The following SLC36A1 variants were observed in gnomAD, a reference collection of about 807,000 sequenced individuals.
SLC36A1 encodes the protein proton-coupled amino acid transporter 1.
In SLC36A1, 30 loss-of-function variants were observed where a neutral mutation model predicts 47.5. The observed-to-expected ratio is 0.63, with a 90% CI of 0.47 to 0.86. SLC36A1 has a LOEUF of 0.86. Among genes scored for constraint, SLC36A1 ranks in the 40% least tolerant of loss-of-function variants. The pLI is 0.00. For missense variants in SLC36A1, 517 were observed against 606.0 expected, an observed-to-expected ratio of 0.85 and a Z score of 1.54; for synonymous variants, 255 against 249.7, an observed-to-expected ratio of 1.02 and a Z score of -0.20.
chr5:151,528,168 C>T, the SLC36A1 span: 4 of 1,608,316 alleles, frequency 2.5e-6, no homozygotes, highest in Non-Finnish European at 3.4e-6. Context: ...AATGGAGGGA[C>T]AGGAATCTTG....
the SLC36A1 span, among the ~76,000 whole-genome samples, chr5:151,411,125 A>G: frequency 6.9e-6 from 1 of 145,062 alleles, no homozygotes; most frequent in Admixed American, 6.8e-5. Flanking sequence ...CCAGGGTCAC[A>G]GAGCTTATAA....
At chr5:151,461,487 CT>C (rs1182922610) in intron 2 of SLC36A1, among the ~76,000 whole-genome samples, 1 of 152,130 alleles carries the variant, frequency 6.6e-6, no homozygotes, top group Admixed American at 6.5e-5. Context: ...CTGAAACTGG[CT>C]CTCTAAAGGT....
chr5:151,519,986 T>C, the SLC36A1 span, among the ~76,000 whole-genome samples: 1 of 152,220 alleles, frequency 6.6e-6, no homozygotes, highest in Admixed American at 6.5e-5. Flanking sequence ...ACCCCTGCTG[T>C]CTGATGCCAG....
chr5:151,548,727 C>T, the SLC36A1 span, among the ~76,000 whole-genome samples: 4 of 152,138 alleles, frequency 2.6e-5, no homozygotes, highest in African/African-American at 7.2e-5. Context: ...GTGATCCGCC[C>T]GCCTCGGCCT....
Position 151,465,159 on chromosome 5 carries a change from C to T in SLC36A1, c.409C>T (p.His137Tyr). ...SPCSWLRNHAHWGRRVVDFFL... is the reference protein window; with the variant it reads ...SPCSWLRNHAYWGRRVVDFFL... Reference sequence around the variant, plus strand: ...CTGCTCCTGGCTCCGGAACCACGCACACTGGGGAAGGTAACTGATTTCCTC... The same window carrying T: ...CTGCTCCTGGCTCCGGAACCACGCATACTGGGGAAGGTAACTGATTTCCTC... The change falls in exon 5 of 11, where the codon CAC becomes TAC. Residue 137 changes from histidine (H) to tyrosine (Y), a missense_variant. Coordinates refer to ENST00000243389, the MANE Select transcript of SLC36A1 (RefSeq NM_078483.4). 2 of 1,613,692 alleles carry T rather than the reference C, an allele frequency of 1.2e-6. No homozygotes were observed. Among genetic ancestry groups the T allele is most frequent in the Non-Finnish European group, 1.7e-6 (2 of 1,179,568 alleles).
the SLC36A1 span, chr5:151,531,686 G>T: frequency 6.2e-7 from 1 of 1,613,844 alleles, no homozygotes; most frequent in Non-Finnish European, 8.5e-7. This position sits in a 1 kb window ranked among gnomAD's most constrained non-coding sequence, Gnocchi z 5.7. Flanking sequence ...GCCAGCTGCA[G>T]CACCTCCGTG....
chr5:151,365,833 G>A, the SLC36A1 span, among the ~76,000 whole-genome samples: 13 of 152,276 alleles, frequency 8.5e-5, no homozygotes, highest in East Asian at 7.7e-4. Flanking sequence ...GTGGCATAAC[G>A]TATGGGATGC....
In SLC36A1 at chr5:151,492,264, G is replaced by C. The variant is rs1242441131; in HGVS notation, c.*4010G>C. ...CTGTGTGGATGTGCACTTCCAGCAT[G>C]GTATGTGTAGCGATGTGGATCATGC... On this transcript the variant is annotated 3_prime_UTR_variant, in exon 11 of 11. Coordinates refer to ENST00000243389, the MANE Select transcript of SLC36A1 (RefSeq NM_078483.4). 6.6e-6 allele frequency: 1 copy of C among 152,204 alleles called. No individual in the cohort carries two copies. The highest frequency in any genetic ancestry group is 1.5e-5 in the Non-Finnish European group (1 of 68,038). 9.4% of individuals were successfully genotyped at this position (152,204 alleles called of 1,614,324 possible). A position where few individuals can be genotyped will look rare whatever the true frequency, so the allele number is the denominator to read the frequency against.
chr5:151,381,213 C>T, the SLC36A1 span: 1 of 359,862 alleles, frequency 2.8e-6, no homozygotes, highest in South Asian at 2.8e-5. Flanking sequence ...CTATATGCCT[C>T]CTCCTCAGGA....
chr5:151,543,113 T>TC, the SLC36A1 span: 1 of 1,614,130 alleles, frequency 6.2e-7, no homozygotes, highest in Non-Finnish European at 8.5e-7. Context: ...ACCAGAGAGT[T>TC]CCAGTGAGGA....
the SLC36A1 span, among the ~76,000 whole-genome samples, chr5:151,548,773 A>C: frequency 6.6e-6 from 1 of 152,178 alleles, no homozygotes; most frequent in African/African-American, 2.4e-5. Context: ...GAGCCACCGC[A>C]TCTGGCCAAC....
the SLC36A1 span, among the ~76,000 whole-genome samples, chr5:151,394,420 G>A: frequency 5.8e-3 from 880 of 152,300 alleles, 14 homozygotes; most frequent in Admixed American, 0.025. Context: ...GTCATTCTCC[G>A]TCCAGCTTTG....
chr5:151,380,995 G>A, the SLC36A1 span: 2 of 385,040 alleles, frequency 5.2e-6, no homozygotes, highest in South Asian at 4.4e-5. Context: ...ATAACAGAGG[G>A]GCCAGGCTGA....
downstream of SLC36A1, among the ~76,000 whole-genome samples, chr5:151,497,141 A>C (rs1760368201): frequency 6.6e-6 from 1 of 152,072 alleles, no homozygotes; most frequent in South Asian, 2.1e-4. Context: ...GCAATGGTTC[A>C]AATTTCCAGT....
chr5:151,505,912 T>C, the SLC36A1 span: 2 of 1,590,294 alleles, frequency 1.3e-6, no homozygotes, highest in Admixed American at 3.7e-5. Context: ...GGTGCCCGCT[T>C]GTTTTCCATC....
the SLC36A1 span, among the ~76,000 whole-genome samples, chr5:151,429,484 A>T: frequency 6.6e-6 from 1 of 151,698 alleles, no homozygotes; most frequent in African/African-American, 2.4e-5. Context: ...TTTGCTGAGA[A>T]TGATGGTTTC....
chr5:151,442,438 C>T (rs1410892566), intron 1 of SLC36A1, among the ~76,000 whole-genome samples: 1 of 152,142 alleles, frequency 6.6e-6, no homozygotes, highest in East Asian at 1.9e-4. Flanking sequence ...ATACAATGTA[C>T]AGCGATTACA....
chr5:151,448,070 C>T lies in SLC36A1; in HGVS notation c.-6+257C>T, dbSNP rs74826797. Among the ~76,000 whole-genome samples the T allele has an allele frequency of 6.6e-3, 1,010 of 152,316 alleles. 9 individuals are homozygous for T. Among genetic ancestry groups the T allele is most frequent in the African/African-American group, 0.023 (974 of 41,568 alleles). ...CGTCTTTCACGCTTCGCACAGGTCT[C>T]CCCGTTTCCAGCAAATGTCTTGCCC... On this transcript the variant is annotated intron_variant, in intron 1 of 10. Coordinates refer to ENST00000243389, the MANE Select transcript of SLC36A1 (RefSeq NM_078483.4).
At chr5:151,545,189 TCTC>T in the SLC36A1 span, 1 of 1,614,154 alleles carries the variant, frequency 6.2e-7, no homozygotes, top group Non-Finnish European at 8.5e-7. Context: ...TCCTGCAAGT[TCTC>T]CTTCACAGCT....
Sources: gnomAD v4.1 joint callset for allele counts (sites outside exome capture counted in the v4.1 genomes callset) on GRCh38, gnomAD v4.1.1 for gene constraint, Gnocchi (gnomAD v3.1) non-coding constraint, MANE v1.5 for transcripts, NCBI Gene and HGNC (gene_info 2026-07-23, HGNC 2026-07-21) for gene names.